TSC22D2: variants seen among roughly 807,000 people sequenced by gnomAD.
TSC22D2 encodes the protein TSC22 domain family member 2.
Under a neutral mutation model 50.1 loss-of-function variants are expected in TSC22D2, and 5 were observed. The ratio of observed to expected loss-of-function variants is 0.10; its 90% confidence interval spans 0.05 to 0.21. TSC22D2 has a LOEUF of 0.21. Ranked by LOEUF, TSC22D2 falls within the 10% of genes least tolerant of loss-of-function variation. The pLI is 1.00. For synonymous variants in TSC22D2, 501 were observed against 450.1 expected (o/e 1.11, Z -1.43); for missense variants, 1,003 against 1,015.5 (o/e 0.99, Z 0.17).
chr3:150,446,121 A>G (rs1720878971), intron 1 of TSC22D2, among the ~76,000 whole-genome samples: 1 of 150,324 alleles, frequency 6.7e-6, no homozygotes, highest in African/African-American at 2.4e-5. Context: ...AAAATCAGCT[A>G]GTCTAATTCT....
Position 150,410,609 on chromosome 3 carries a change from C to T in TSC22D2, c.1259C>T (p.Ser420Phe), listed in dbSNP as rs1211416509. 10 of 1,556,568 alleles carry T rather than the reference C, an allele frequency of 6.4e-6. No homozygotes were observed. In the East Asian group the frequency reaches 1.2e-4, roughly 19 times the overall value. Residue 420 changes from serine to phenylalanine, a missense_variant, in exon 1 of 3, where the codon TCC (serine) becomes TTC (phenylalanine). Ser to Phe is a radical substitution (Grantham distance 155). This residue lies in a region of TSC22D2 where 696 missense variants were observed against 647.8 expected (regional missense o/e 1.07). Coordinates refer to ENST00000688009, the MANE Select transcript of TSC22D2 (RefSeq NM_001303264.2). ...TLPVGTGQNASSVGAQLMGAS... is the reference protein window; with the variant it reads ...TLPVGTGQNAFSVGAQLMGAS... Reference sequence around the variant, plus strand: ...CCCGTGGGCACCGGCCAGAATGCTTCCTCGGTGGGCGCGCAGCTCATGGGC... The same window carrying T: ...CCCGTGGGCACCGGCCAGAATGCTTTCTCGGTGGGCGCGCAGCTCATGGGC...
chr3:150,450,284 A>G (rs1721002256), intron 1 of TSC22D2, among the ~76,000 whole-genome samples: 1 of 152,102 alleles, frequency 6.6e-6, no homozygotes, highest in Non-Finnish European at 1.5e-5. Context: ...TGAGTTTTTA[A>G]TAGTTCCTTG....
At chr3:150,443,040 G>C (rs1389689235) in intron 1 of TSC22D2, among the ~76,000 whole-genome samples, 1 of 152,108 alleles carries the variant, frequency 6.6e-6, no homozygotes, top group Admixed American at 6.5e-5. Flanking sequence ...TCTGAGTTTT[G>C]AATTATAAAA....
At chr3:150,447,573 T>G (rs894172151) in intron 1 of TSC22D2, among the ~76,000 whole-genome samples, 1 of 152,180 alleles carries the variant, frequency 6.6e-6, no homozygotes, top group Non-Finnish European at 1.5e-5. Context: ...GTGCTTTATT[T>G]GCACCACCTA....
At chr3:150,458,349 T>G (rs1341713276) in intron 2 of TSC22D2, 27 bp from the exon 3 acceptor site, 1 of 1,599,674 alleles carries the variant, frequency 6.3e-7, no homozygotes, top group Non-Finnish European at 8.5e-7. Flanking sequence ...TTCACTCTTT[T>G]GACATTCCTA....
rs2108113096 is a variant in TSC22D2 at position 150,462,399 on chromosome 3, T to C, written c.*3763T>C. On this transcript the variant is annotated 3_prime_UTR_variant, in exon 3 of 3. Coordinates refer to ENST00000688009, the MANE Select transcript of TSC22D2 (RefSeq NM_001303264.2). The stretch of plus-strand genomic sequence containing the variant: ...GATACTATGCTCAAATTATGCTGGA[T>C]GTGCACAATTCCAGTGGCAGATGGG... 6.6e-6 allele frequency: 1 copy of C among 151,550 alleles called. No homozygotes were observed. Among genetic ancestry groups the C allele is most frequent in the South Asian group, 2.1e-4 (1 of 4,770 alleles). 9.4% of individuals were successfully genotyped at this position (151,550 alleles called of 1,614,324 possible).
chr3:150,438,119 G>T, intron 1 of TSC22D2: 2 of 303,888 alleles, frequency 6.6e-6, no homozygotes, highest in South Asian at 2.8e-5. Flanking sequence ...TATAATCATG[G>T]TAAAACATAA....
intron 2 of TSC22D2, among the ~76,000 whole-genome samples, chr3:150,457,344 A>G (rs374864890): frequency 2.0e-5 from 3 of 152,212 alleles, no homozygotes; most frequent in South Asian, 4.1e-4. Context: ...AATATCTCAC[A>G]TTTCATGCAT....
At chr3:150,448,244 G>A (rs920107683) in intron 1 of TSC22D2, among the ~76,000 whole-genome samples, 2 of 151,762 alleles carry the variant, frequency 1.3e-5, no homozygotes, top group Non-Finnish European at 3.0e-5. Context: ...AGGAGGCCAA[G>A]GTGGGAGGAT....
At chr3:150,434,209 C>T (rs977092640) in intron 1 of TSC22D2, among the ~76,000 whole-genome samples, 25 of 149,846 alleles carry the variant, frequency 1.7e-4, no homozygotes, top group Non-Finnish European at 5.9e-5. Flanking sequence ...AATGCAGTGG[C>T]ACAATGTTGG....
intron 1 of TSC22D2, chr3:150,438,171 C>T (rs1357917212): frequency 2.6e-6 from 1 of 379,218 alleles, no homozygotes; most frequent in Non-Finnish European, 5.6e-6. Flanking sequence ...TTGATTAAAA[C>T]ATTTATTTAC....
chr3:150,428,841 A>G (rs1177156282), intron 1 of TSC22D2, among the ~76,000 whole-genome samples: 1 of 152,172 alleles, frequency 6.6e-6, no homozygotes, highest in Non-Finnish European at 1.5e-5. Context: ...GAGCGAGCTT[A>G]CTGAAAAGTA....
chr3:150,452,948 A>T (rs1721084517), intron 1 of TSC22D2, among the ~76,000 whole-genome samples: 1 of 152,204 alleles, frequency 6.6e-6, no homozygotes, highest in African/African-American at 2.4e-5. Context: ...TTTTGACTTT[A>T]TTTAGCATTT....
At chr3:150,445,349 TA>T (rs1391953284) in intron 1 of TSC22D2, among the ~76,000 whole-genome samples, 1 of 144,382 alleles carries the variant, frequency 6.9e-6, no homozygotes, top group African/African-American at 2.5e-5. Context: ...ATAATAATAA[TA>T]ATAATAATAA....
intron 1 of TSC22D2, among the ~76,000 whole-genome samples, chr3:150,451,170 G>A (rs1374177612): frequency 1.3e-5 from 2 of 152,156 alleles, no homozygotes; most frequent in Non-Finnish European, 2.9e-5. Flanking sequence ...TGCATTTATA[G>A]TTGTGATTGT....
intron 1 of TSC22D2, among the ~76,000 whole-genome samples, chr3:150,427,576 G>A (rs190364663): frequency 6.5e-4 from 99 of 152,152 alleles, no homozygotes; most frequent in Non-Finnish European, 1.3e-3. Context: ...AGTATCTTGA[G>A]GATATGTACC....
At chr3:150,443,573 T>C (rs2108091953) in intron 1 of TSC22D2, among the ~76,000 whole-genome samples, 1 of 152,148 alleles carries the variant, frequency 6.6e-6, no homozygotes, top group African/African-American at 2.4e-5. Context: ...GTAAAAAGAG[T>C]GAAATAAATG....
rs1327979846 is a variant in TSC22D2 at position 150,460,154 on chromosome 3, A to G, written c.*1518A>G. 2 of 152,146 alleles carry G rather than the reference A, an allele frequency of 1.3e-5. No homozygotes were observed. Among genetic ancestry groups the G allele is most frequent in the East Asian group, 3.8e-4 (2 of 5,208 alleles). 9.4% of individuals were successfully genotyped at this position (152,146 alleles called of 1,614,324 possible). On this transcript the variant is annotated 3_prime_UTR_variant, in exon 3 of 3. Coordinates refer to ENST00000688009, the MANE Select transcript of TSC22D2 (RefSeq NM_001303264.2). ...CTATATGTGTTCAAAATTTGACTAG[A>G]TTTGTATTTTCACAGTTCAAAATAC...
At chr3:150,428,605 A>C (rs1720275022) in intron 1 of TSC22D2, among the ~76,000 whole-genome samples, 1 of 147,212 alleles carries the variant, frequency 6.8e-6, no homozygotes, top group Admixed American at 6.7e-5. Context: ...AAAAAAAAAA[A>C]AAAACATACT....
Sources: gnomAD v4.1 joint callset for allele counts (sites outside exome capture counted in the v4.1 genomes callset) on GRCh38, gnomAD v4.1.1 for gene constraint, gnomAD v4.1.1 regional missense constraint, MANE v1.5 for transcripts, NCBI Gene and HGNC (gene_info 2026-07-23, HGNC 2026-07-21) for gene names.